The following RBMS3 variants were observed in gnomAD, a reference collection of about 807,000 sequenced individuals.
The protein encoded by RBMS3 is RNA-binding motif, single-stranded-interacting protein 3.
A neutral mutation model predicts 66.8 loss-of-function variants in RBMS3; 27 were observed. The observed-to-expected ratio is 0.40, with a 90% CI of 0.30 to 0.56. The LOEUF (loss-of-function observed/expected upper bound fraction) is 0.56. Ranked by LOEUF, RBMS3 falls within the 20% of genes least tolerant of loss-of-function variation. The probability of loss-of-function intolerance (pLI) is 0.40; values close to 1 mark genes in which losing one functional copy is unlikely to be tolerated. For missense variants in RBMS3, 513 were observed against 549.5 expected, an observed-to-expected ratio of 0.93 and a Z score of 0.66; for synonymous variants, 188 against 183.0, an observed-to-expected ratio of 1.03 and a Z score of -0.22.
At chr3:29,984,924 C>T (rs775788205) in intron 12 of RBMS3, among the ~76,000 whole-genome samples, 21 of 152,280 alleles carry the variant, frequency 1.4e-4, no homozygotes, top group African/African-American at 4.3e-4. Flanking sequence ...AAAGCTCAAG[C>T]GCTGTGCTGG....
intron 3 of RBMS3, among the ~76,000 whole-genome samples, chr3:29,545,564 C>T (rs1215613734): frequency 6.6e-6 from 1 of 152,118 alleles, no homozygotes; most frequent in Non-Finnish European, 1.5e-5. Context: ...ACAGGCATTT[C>T]AGCGCTATGT....
At chr3:29,587,268 G>A in intron 4 of RBMS3, 63 bp downstream of exon 4, 1 of 852,254 alleles carries the variant, frequency 1.2e-6, no homozygotes. Context: ...GTGTGTGTGT[G>A]TGTGTGTGTG....
At chr3:29,661,249 AG>A (rs2050535600) in intron 4 of RBMS3, among the ~76,000 whole-genome samples, 2 of 152,324 alleles carry the variant, frequency 1.3e-5, no homozygotes, top group South Asian at 4.1e-4. Flanking sequence ...ATTGTTGTCC[AG>A]GTGGGGAGAC....
chr3:29,683,530 A>G (rs780896051), intron 4 of RBMS3, among the ~76,000 whole-genome samples: 16 of 152,224 alleles, frequency 1.1e-4, no homozygotes, highest in Admixed American at 8.5e-4. Flanking sequence ...AGACATGCCT[A>G]TAACACTGGC....
chr3:29,530,912 T>A (rs1015976476), intron 3 of RBMS3, among the ~76,000 whole-genome samples: 1 of 151,640 alleles, frequency 6.6e-6, no homozygotes, highest in African/African-American at 2.4e-5. Context: ...CATAATCTGA[T>A]CTAAAAGGTT....
chr3:29,550,835 T>G (rs1470143430), intron 3 of RBMS3, among the ~76,000 whole-genome samples: 1 of 152,192 alleles, frequency 6.6e-6, no homozygotes, highest in Non-Finnish European at 1.5e-5. Flanking sequence ...CACTGACACT[T>G]TATCTGCCTT....
At chr3:29,783,734 CT>C (rs2056722786) in intron 6 of RBMS3, among the ~76,000 whole-genome samples, 1 of 152,104 alleles carries the variant, frequency 6.6e-6, no homozygotes, top group South Asian at 2.1e-4. Flanking sequence ...AAATGGTCCA[CT>C]TAAAAGATAC....
chr3:29,966,002 T>C (rs1313763787), intron 12 of RBMS3, among the ~76,000 whole-genome samples: 2 of 152,186 alleles, frequency 1.3e-5, no homozygotes, highest in African/African-American at 4.8e-5. Flanking sequence ...TCCACTTTTA[T>C]GTTTTTGTTT....
chr3:29,362,737 TG>T (rs967041195), intron 1 of RBMS3, among the ~76,000 whole-genome samples: 3 of 152,212 alleles, frequency 2.0e-5, no homozygotes, highest in African/African-American at 7.2e-5. Context: ...GAGCCATATA[TG>T]GTGTACTGCA....
At chr3:29,581,407 G>A (rs2047323785) in intron 3 of RBMS3, among the ~76,000 whole-genome samples, 1 of 152,128 alleles carries the variant, frequency 6.6e-6, no homozygotes, top group Admixed American at 6.5e-5. Context: ...ACAGAGGTAT[G>A]GAGGCAGTCT....
chr3:29,344,581 A>G (rs1172418373), intron 1 of RBMS3, among the ~76,000 whole-genome samples: 3 of 152,068 alleles, frequency 2.0e-5, no homozygotes, highest in Non-Finnish European at 4.4e-5. Flanking sequence ...TTTTGAGGAT[A>G]ATGTCTTAAA....
chr3:29,797,140 A>G (rs1198000422), intron 6 of RBMS3, among the ~76,000 whole-genome samples: 4 of 152,336 alleles, frequency 2.6e-5, no homozygotes, highest in Middle Eastern at 3.4e-3. Context: ...TCTTCTTCCA[A>G]TATAAGGATA....
intron 4 of RBMS3, chr3:29,698,224 A>G: frequency 2.0e-6 from 2 of 985,366 alleles, no homozygotes; most frequent in Non-Finnish European, 2.4e-6. Context: ...GAGTCCAGAA[A>G]GTTCTGAGTA....
At chr3:29,301,845 T>C (rs1238795303) in intron 1 of RBMS3, among the ~76,000 whole-genome samples, 3 of 151,978 alleles carry the variant, frequency 2.0e-5, no homozygotes, top group Non-Finnish European at 4.4e-5. Context: ...GCCTGAGAAC[T>C]AGTTTGCATG....
intron 1 of RBMS3, among the ~76,000 whole-genome samples, chr3:29,335,846 C>T (rs947739837): frequency 4.6e-5 from 7 of 152,046 alleles, no homozygotes; most frequent in African/African-American, 1.4e-4. Context: ...TCCTCCCTTC[C>T]TCTTAATTCC....
intron 1 of RBMS3, among the ~76,000 whole-genome samples, chr3:29,401,846 T>A (rs1006418329): frequency 6.6e-6 from 1 of 152,100 alleles, no homozygotes; most frequent in Non-Finnish European, 1.5e-5. Flanking sequence ...GCTGCTACGA[T>A]TCTTTACTAT....
At chr3:29,944,133 C>T (rs975129256) in intron 11 of RBMS3, 74 bp from the exon 12 acceptor site, 87 of 1,359,974 alleles carry the variant, frequency 6.4e-5, no homozygotes, top group Non-Finnish European at 8.7e-5. Flanking sequence ...GACTCTTCCA[C>T]GTGTTAGGGC....
intron 10 of RBMS3, among the ~76,000 whole-genome samples, chr3:29,920,053 G>A (rs547808535): frequency 8.6e-5 from 13 of 151,880 alleles, no homozygotes; most frequent in South Asian, 8.3e-4. Flanking sequence ...AAAAATTGTC[G>A]CATGACTATT....
rs75217952 is a variant in RBMS3, at chr3:29,352,467, T to A, written c.75+70711T>A. On this transcript the variant is annotated intron_variant, in intron 1 of 14. Transcript: ENST00000383767. ...CCAGTATTTTATATTTATTTTTAACTGATACATGATACATATTTATAAGGT... is the reference window on the plus strand; with the variant it reads ...CCAGTATTTTATATTTATTTTTAACAGATACATGATACATATTTATAAGGT... Among the ~76,000 whole-genome samples, 37 of 152,182 alleles carry A rather than the reference T, an allele frequency of 2.4e-4. No individual in the cohort carries two copies. In the East Asian group the frequency reaches 6.8e-3, roughly 28 times the overall value.
Sources: gnomAD v4.1 joint callset for allele counts (sites outside exome capture counted in the v4.1 genomes callset) on GRCh38, gnomAD v4.1.1 for gene constraint, MANE v1.5 for transcripts, NCBI Gene and HGNC (gene_info 2026-07-23, HGNC 2026-07-21) for gene names.